Variants in TCP11L1 observed in about 807,000 individuals in gnomAD.
TCP11L1 encodes T-complex protein 11-like protein 1.
Under a neutral mutation model 48.9 loss-of-function variants are expected in TCP11L1, and 28 were observed. That is an observed-to-expected ratio of 0.57 (90% CI 0.42 to 0.78). The LOEUF (loss-of-function observed/expected upper bound fraction) is 0.78, where lower values mean the gene tolerates loss of function less well. TCP11L1 is among the 30% of genes least tolerant of loss of function. The pLI is 0.00. For synonymous variants in TCP11L1, 204 were observed against 231.9 expected (o/e 0.88, Z 1.09); for missense variants, 505 against 613.4 (o/e 0.82, Z 1.87).
At chr11:33,057,006 C>A in intron 3 of TCP11L1, 109 bp from the exon 4 acceptor site, 1 of 1,445,726 alleles carries the variant, frequency 6.9e-7, no homozygotes. Flanking sequence ...TGGTCCAAAT[C>A]ACTGGGATTG....
At chr11:33,045,798 C>T (rs142220658) in intron 2 of TCP11L1, among the ~76,000 whole-genome samples, 6 of 152,230 alleles carry the variant, frequency 3.9e-5, no homozygotes, top group Non-Finnish European at 5.9e-5. Context: ...GCGAAGGCCC[C>T]GAGCTCTGGA....
intron 9 of TCP11L1, 98 bp from the exon 10 acceptor site, chr11:33,072,376 T>C (rs1156351288): frequency 2.3e-6 from 3 of 1,283,608 alleles, no homozygotes; most frequent in Admixed American, 1.8e-5. Context: ...CGGGGACAAC[T>C]TCCCCTAAGA....
chr11:33,047,111 G>A (rs932247670), intron 2 of TCP11L1, among the ~76,000 whole-genome samples: 3 of 151,898 alleles, frequency 2.0e-5, no homozygotes, highest in African/African-American at 4.8e-5. Context: ...TAATTGGGAG[G>A]CTGAGGCAAG....
At chr11:33,060,456 A>C (rs138753040) in intron 6 of TCP11L1, among the ~76,000 whole-genome samples, 98 of 152,288 alleles carry the variant, frequency 6.4e-4, no homozygotes, top group Middle Eastern at 3.4e-3. Context: ...CCCCTGCCCC[A>C]GTGAAGAGCA....
chr11:33,053,787 C>T (rs570183881), intron 2 of TCP11L1, among the ~76,000 whole-genome samples: 8 of 152,270 alleles, frequency 5.3e-5, no homozygotes, highest in African/African-American at 9.6e-5. Flanking sequence ...ACAGCACCAT[C>T]GGCACCCTAA....
chr11:33,051,376 C>T (rs910916652), intron 2 of TCP11L1, among the ~76,000 whole-genome samples: 4 of 151,736 alleles, frequency 2.6e-5, no homozygotes, highest in African/African-American at 9.7e-5. Flanking sequence ...ACCGTGTTAG[C>T]CAGGATGGTC....
intron 3 of TCP11L1, chr11:33,056,749 T>C: frequency 4.2e-6 from 1 of 240,528 alleles, no homozygotes; most frequent in Non-Finnish European, 8.5e-6. Flanking sequence ...CAGCCTAAAT[T>C]GTTATCTTAG....
At chr11:33,070,150 A>G (rs1344689110) in intron 9 of TCP11L1, among the ~76,000 whole-genome samples, 1 of 152,028 alleles carries the variant, frequency 6.6e-6, no homozygotes, top group Non-Finnish European at 1.5e-5. Context: ...GGTTAGTGAC[A>G]TGCATCTGTA....
intron 9 of TCP11L1, 74 bp from the exon 10 acceptor site, chr11:33,072,400 C>A: frequency 6.6e-7 from 1 of 1,524,334 alleles, no homozygotes; most frequent in Non-Finnish European, 9.1e-7. Flanking sequence ...GATGGTTAAG[C>A]TAAGAACTGA....
In TCP11L1 at chr11:33,072,602, C is replaced by A. The variant is rs1015408343; in HGVS notation, c.1456C>A (p.Leu486Met). Reference sequence around the variant, plus strand: ...GGAAGTTGCTATTAAATTTGCTCGCCTGGTCAACTATAACAAGATGGTCTT... The same window carrying A: ...GGAAGTTGCTATTAAATTTGCTCGCATGGTCAACTATAACAAGATGGTCTT... ...LEEVAIKFAR[L>M]VNYNKMVFCP... The change falls in exon 10 of 10, where the codon CTG becomes ATG. Residue 486 changes from leucine (L) to methionine (M), a missense_variant. Physicochemically the swap from Leu to Met is conservative, Grantham distance 15. This residue lies in a region of TCP11L1 where 335 missense variants were observed against 413.3 expected (regional missense o/e 0.81). Coordinates refer to ENST00000334274, the MANE Select transcript of TCP11L1 (RefSeq NM_018393.4). 1.2e-5 allele frequency: 20 copies of A among 1,614,034 alleles called. No homozygotes were observed. Among genetic ancestry groups the A allele is most frequent in the Non-Finnish European group, 1.6e-5 (19 of 1,180,042 alleles).
At position 33,054,635 on chromosome 11, in the gene TCP11L1, C is replaced by T; in HGVS notation, c.206C>T (p.Thr69Ile). ...RFVTVEELLETARGVTNMALA... is the reference protein window; with the variant it reads ...RFVTVEELLEIARGVTNMALA... ...GTGACAGTAGAAGAACTTCTAGAGA[C>T]AGCGAGAGGTGTCACCAACATGGCT... Residue 69 changes from threonine (T) to isoleucine (I), a missense_variant, in exon 3 of 10, where the codon ACA becomes ATA. Coordinates refer to ENST00000334274, the MANE Select transcript of TCP11L1 (RefSeq NM_018393.4). 16 of 1,613,952 alleles carry T rather than the reference C, an allele frequency of 9.9e-6. No individual in the cohort carries two copies. The highest frequency in any genetic ancestry group is 1.2e-5 in the Non-Finnish European group (14 of 1,179,948).
At chr11:33,068,286 G>A (rs543974381) in intron 8 of TCP11L1, among the ~76,000 whole-genome samples, 6 of 152,322 alleles carry the variant, frequency 3.9e-5, no homozygotes, top group Non-Finnish European at 5.9e-5. Context: ...GTACAAAAGG[G>A]CATCCAATGA....
chr11:33,043,216 CAA>C (rs1216486532), intron 1 of TCP11L1, among the ~76,000 whole-genome samples: 1 of 149,826 alleles, frequency 6.7e-6, no homozygotes, highest in Non-Finnish European at 1.5e-5. Context: ...GCCTGGGCAA[CAA>C]GAGCAAAACT....
At chr11:33,066,469 T>C (rs891739700) in intron 8 of TCP11L1, among the ~76,000 whole-genome samples, 1 of 151,760 alleles carries the variant, frequency 6.6e-6, no homozygotes, top group Non-Finnish European at 1.5e-5. Context: ...GGCTGGGGGG[T>C]AAGCCATGAG....
intron 3 of TCP11L1, among the ~76,000 whole-genome samples, chr11:33,055,904 G>A (rs887429180): frequency 6.6e-5 from 10 of 152,136 alleles, no homozygotes; most frequent in African/African-American, 2.2e-4. Flanking sequence ...TGCAACCTCT[G>A]CTTCCCAGGT....
intron 1 of TCP11L1, 83 bp from the exon 2 acceptor site, chr11:33,043,667 A>G (rs1243025522): frequency 6.5e-6 from 8 of 1,222,094 alleles, no homozygotes; most frequent in Non-Finnish European, 7.9e-6. Flanking sequence ...AAGAGGTTAA[A>G]TGATTTGCCC....
intron 5 of TCP11L1, 64 bp downstream of exon 5, chr11:33,058,203 T>C (rs1854367794): frequency 2.2e-6 from 3 of 1,378,472 alleles, no homozygotes; most frequent in Non-Finnish European, 2.9e-6. Flanking sequence ...TTTTTTTTCT[T>C]TTCTTTTTTT....
intron 2 of TCP11L1, among the ~76,000 whole-genome samples, chr11:33,046,565 T>G (rs1196730323): frequency 6.6e-6 from 1 of 152,226 alleles, no homozygotes; most frequent in Non-Finnish European, 1.5e-5. Context: ...TTCATTAAGT[T>G]CTCTTAGTAG....
At chr11:33,056,977 T>C (rs1854327284) in intron 3 of TCP11L1, 138 bp from the exon 4 acceptor site, 1 of 1,216,028 alleles carries the variant, frequency 8.2e-7, no homozygotes, top group Admixed American at 2.3e-5. Flanking sequence ...AGTTGAAGTA[T>C]GCCTGGGAAA....
Sources: gnomAD v4.1 joint callset for allele counts (sites outside exome capture counted in the v4.1 genomes callset) on GRCh38, gnomAD v4.1.1 for gene constraint, gnomAD v4.1.1 regional missense constraint, MANE v1.5 for transcripts, NCBI Gene and HGNC (gene_info 2026-07-23, HGNC 2026-07-21) for gene names.